The following ZNF385B variants were observed in gnomAD, a reference collection of about 807,000 sequenced individuals.
ZNF385B encodes the protein zinc finger protein 533.
ZNF385B carries 23 observed loss-of-function variants against 39.2 expected under a neutral mutation model. The observed-to-expected ratio is 0.59, with a 90% CI of 0.42 to 0.83. The LOEUF (loss-of-function observed/expected upper bound fraction) is 0.83, where lower values mean the gene tolerates loss of function less well. Among genes scored for constraint, ZNF385B ranks in the 40% least tolerant of loss-of-function variants. ZNF385B has a pLI of 0.00. For missense variants in ZNF385B, 552 were observed against 598.9 expected, an observed-to-expected ratio of 0.92 and a Z score of 0.82; for synonymous variants, 205 against 222.6, an observed-to-expected ratio of 0.92 and a Z score of 0.70.
intron 1 of ZNF385B, among the ~76,000 whole-genome samples, chr2:179,826,971 G>A (rs1157440544): frequency 6.6e-6 from 1 of 151,972 alleles, no homozygotes; most frequent in East Asian, 1.9e-4. Flanking sequence ...AAGACAAACT[G>A]GAAACTCACC....
intron 1 of ZNF385B, among the ~76,000 whole-genome samples, chr2:179,772,148 T>C (rs1299470003): frequency 6.6e-6 from 1 of 152,232 alleles, no homozygotes. Context: ...GCTTTTATGA[T>C]TGCCATTTAT....
At chr2:179,810,511 T>C (rs1706666525) in intron 1 of ZNF385B, among the ~76,000 whole-genome samples, 1 of 151,972 alleles carries the variant, frequency 6.6e-6, no homozygotes, top group African/African-American at 2.4e-5. Context: ...GTGAATGGGA[T>C]TGTAGTTGCC....
Position 179,523,353 on chromosome 2 carries a change from T to TTTTG in ZNF385B, c.442-4716_442-4715insCAAA, listed in dbSNP as rs1397108712. On this transcript the variant is annotated intron_variant, in intron 4 of 9. Transcript: ENST00000410066. Reference sequence around the variant, plus strand: ...GAGACTACAAATCTGTGTGCGTTTTTTTTTTTTTTTTTTTAAAGAGCATTA... The same window carrying TTTTG: ...GAGACTACAAATCTGTGTGCGTTTTTTTTGTTTTTTTTTTTTTTAAAGAGCATTA... Among the ~76,000 whole-genome samples, 393 of 130,368 alleles carry TTTTG rather than the reference T, an allele frequency of 3.0e-3. 1 individual carries two copies. Among genetic ancestry groups the TTTTG allele is most frequent in the African/African-American group, 8.0e-3 (287 of 35,788 alleles). 85.5% of individuals were successfully genotyped at this position (130,368 alleles called of 152,430 possible).
chr2:179,759,875 G>T lies in ZNF385B; in HGVS notation c.298+9628C>A, dbSNP rs1046809227. ...TTTAAAATAAGAAAAATCCCCAAGGGTTCTGTTTCCTATTATCTCTAATTA... is the reference window on the plus strand; with the variant it reads ...TTTAAAATAAGAAAAATCCCCAAGGTTTCTGTTTCCTATTATCTCTAATTA... On this transcript the variant is annotated intron_variant, in intron 3 of 9. Transcript: ENST00000410066. Among the ~76,000 whole-genome samples, 4 of 151,990 alleles carry T rather than the reference G, an allele frequency of 2.6e-5. No individual in the cohort carries two copies. The South Asian group carries it at 6.2e-4, about 24-fold the overall frequency.
chr2:179,590,811 T>C (rs72953712), intron 3 of ZNF385B, among the ~76,000 whole-genome samples: 11,277 of 152,158 alleles, frequency 0.074, 507 homozygotes, highest in Non-Finnish European at 0.1. Context: ...CCATGTAAGA[T>C]GTCCCTTACA....
chr2:179,595,751 C>T (rs754357655), intron 3 of ZNF385B, among the ~76,000 whole-genome samples: 1 of 151,072 alleles, frequency 6.6e-6, no homozygotes, highest in African/African-American at 2.4e-5. Flanking sequence ...TAAGTGCAAC[C>T]CACCCCCAAG....
chr2:179,594,817 TG>T (rs1476298741), intron 3 of ZNF385B, among the ~76,000 whole-genome samples: 5 of 152,044 alleles, frequency 3.3e-5, no homozygotes, highest in Non-Finnish European at 7.4e-5. Context: ...TTTTCTGTTT[TG>T]TTTTTTTTAG....
chr2:179,773,606 T>A (rs1185036076), intron 1 of ZNF385B, among the ~76,000 whole-genome samples: 1 of 152,176 alleles, frequency 6.6e-6, no homozygotes, highest in Non-Finnish European at 1.5e-5. Context: ...ATTTATATAG[T>A]TTTATGACAT....
intron 5 of ZNF385B, among the ~76,000 whole-genome samples, chr2:179,514,778 G>GTTT (rs10594566): frequency 7.0e-6 from 1 of 143,392 alleles, no homozygotes; most frequent in African/African-American, 2.6e-5. Context: ...ATGTGTGGTG[G>GTTT]TTTTTTTTTT....
chr2:179,443,253 G>A lies in ZNF385B; in HGVS notation c.1458C>T (p.Tyr486=), dbSNP rs1315589922. The stretch of plus-strand genomic sequence containing the variant: ...AACGTCTTGGGGTTTGCAGACGTTA[G>A]TACGGAGCAAAGAGGATGGAGGCAG... ...ATPASILFAP[Y] The change falls in exon 10 of 10, where the codon TAC becomes TAT. Residue 486 remains tyrosine, a synonymous_variant. Transcript: ENST00000410066. 1.9e-6 allele frequency: 3 copies of A among 1,612,240 alleles called. No individual in the cohort carries two copies. Among genetic ancestry groups the A allele is most frequent in the Non-Finnish European group, 2.5e-6 (3 of 1,180,042 alleles).
At chr2:179,727,474 G>C (rs1575358709) in intron 3 of ZNF385B, among the ~76,000 whole-genome samples, 1 of 152,156 alleles carries the variant, frequency 6.6e-6, no homozygotes, top group Admixed American at 6.5e-5. Context: ...ATGTGTGATT[G>C]CTACAGCTAT....
At chr2:179,628,250 T>C (rs567564399) in intron 3 of ZNF385B, among the ~76,000 whole-genome samples, 2 of 152,230 alleles carry the variant, frequency 1.3e-5, no homozygotes, top group Non-Finnish European at 2.9e-5. Context: ...AAGTTCTTTT[T>C]TACAAAGTTG....
chr2:179,795,629 A>G (rs1049653038), intron 1 of ZNF385B, among the ~76,000 whole-genome samples: 1 of 151,646 alleles, frequency 6.6e-6, no homozygotes, highest in Admixed American at 6.6e-5. Context: ...ATTCTCTTAC[A>G]TTTTTTTTTC....
chr2:179,483,260 A>T lies in ZNF385B; in HGVS notation c.715+12T>A. ...AACACAAAGAATGTAAAGAACAAAAAGTGTCATTGACCTGATTTGTCAGAG... is the reference window on the plus strand; with the variant it reads ...AACACAAAGAATGTAAAGAACAAAATGTGTCATTGACCTGATTTGTCAGAG... On this transcript the variant is annotated intron_variant, in intron 6 of 9. Coordinates refer to ENST00000410066, the MANE Select transcript of ZNF385B (RefSeq NM_152520.6). The T allele has an allele frequency of 6.2e-7, 1 of 1,613,632 alleles. No homozygotes were observed. The highest frequency in any genetic ancestry group is 8.5e-7 in the Non-Finnish European group (1 of 1,179,726).
chr2:179,450,175 T>C (rs1477533852), intron 6 of ZNF385B, among the ~76,000 whole-genome samples: 1 of 151,774 alleles, frequency 6.6e-6, no homozygotes, highest in Non-Finnish European at 1.5e-5. Context: ...GCAATACCAT[T>C]CAGGACATAG....
intron 3 of ZNF385B, among the ~76,000 whole-genome samples, chr2:179,691,839 T>C (rs998287905): frequency 6.6e-6 from 1 of 152,042 alleles, no homozygotes; most frequent in African/African-American, 2.4e-5. Context: ...TTTTAAAATG[T>C]TTTATTTTTT....
At chr2:179,505,735 G>A (rs557139043) in intron 5 of ZNF385B, among the ~76,000 whole-genome samples, 12 of 152,114 alleles carry the variant, frequency 7.9e-5, no homozygotes, top group Middle Eastern at 3.4e-3. Context: ...CCTATTAATC[G>A]AATAACAAAT....
chr2:179,580,409 G>C (rs957591807), intron 3 of ZNF385B, among the ~76,000 whole-genome samples: 3 of 152,100 alleles, frequency 2.0e-5, no homozygotes, highest in African/African-American at 7.2e-5. Flanking sequence ...CTCACTCTTT[G>C]TGGGTATCAT....
At chr2:179,529,800 T>C (rs1431838381) in intron 4 of ZNF385B, among the ~76,000 whole-genome samples, 2 of 152,188 alleles carry the variant, frequency 1.3e-5, no homozygotes, top group East Asian at 3.8e-4. Context: ...AAGACTTATA[T>C]AATTGACAAT....
Sources: gnomAD v4.1 joint callset for allele counts (sites outside exome capture counted in the v4.1 genomes callset) on GRCh38, gnomAD v4.1.1 for gene constraint, MANE v1.5 for transcripts, NCBI Gene and HGNC (gene_info 2026-07-23, HGNC 2026-07-21) for gene names.